EVI5L: variants seen among roughly 807,000 people sequenced by gnomAD.
EVI5L encodes EVI5-like protein.
A neutral mutation model predicts 106.1 loss-of-function variants in EVI5L; 30 were observed. The observed-to-expected ratio is 0.28, with a 90% CI of 0.21 to 0.38. The LOEUF (loss-of-function observed/expected upper bound fraction) is 0.38, where lower values mean the gene tolerates loss of function less well. Among genes scored for constraint, EVI5L ranks in the 10% least tolerant of loss-of-function variants. The pLI, the probability that EVI5L is intolerant of heterozygous loss-of-function variation, is 1.00. For missense variants in EVI5L, 809 were observed against 1,098.0 expected, an observed-to-expected ratio of 0.74 and a Z score of 3.72; for synonymous variants, 489 against 483.3, an observed-to-expected ratio of 1.01 and a Z score of -0.15.
chr19:7,847,057 C>T (rs1377666954), intron 2 of EVI5L, among the ~76,000 whole-genome samples: 2 of 152,164 alleles, frequency 1.3e-5, no homozygotes, highest in South Asian at 2.1e-4. Flanking sequence ...TTTGGGAGGC[C>T]GAGGCAGACG....
chr19:7,842,133 T>C (rs997103101), intron 1 of EVI5L, among the ~76,000 whole-genome samples: 1 of 152,122 alleles, frequency 6.6e-6, no homozygotes, highest in African/African-American at 2.4e-5. Context: ...TGTGTGAATG[T>C]ATGTCATGTG....
At chr19:7,853,658 G>C (rs939207011) in intron 10 of EVI5L, 1 of 384,348 alleles carries the variant, frequency 2.6e-6, no homozygotes, top group Non-Finnish European at 4.9e-6. Context: ...TGCACGCGGT[G>C]GGCAAGGCTG....
rs1166908913 is a variant in EVI5L at position 7,851,456 on chromosome 19, C to A, written c.776C>A (p.Thr259Asn). The A allele has an allele frequency of 3.1e-6, 5 of 1,612,932 alleles. No individual in the cohort carries two copies. Among genetic ancestry groups the A allele is most frequent in the Non-Finnish European group, 4.2e-6 (5 of 1,179,522 alleles). Residue 259 changes from threonine (T) to asparagine (N), a missense_variant, in exon 7 of 20, where the codon ACC (threonine) becomes AAC (asparagine). By Grantham distance (65) the Thr-to-Asn change is moderately conservative (BLOSUM62 0). Transcript: ENST00000538904. ...CAGGAGCAGCTCCCAGACCTCAACA[C>A]CCACTTCCGTTCCCAAAGCTTCCAC... The part of the protein sequence containing the change: ...MLQEQLPDLN[T>N]HFRSQSFHTS...
In EVI5L at chr19:7,850,518, A is replaced by G. The variant is rs780385331; in HGVS notation, c.753+396A>G. Among the ~76,000 whole-genome samples, 1 of 152,142 alleles carries G rather than the reference A, an allele frequency of 6.6e-6. No individual in the cohort carries two copies. The highest frequency in any genetic ancestry group is 1.5e-5 in the Non-Finnish European group (1 of 68,010). ...GAGAGCCGCAGACGTCTGTTTATAA[A>G]TAGCAGCCCCCGCAGGGCCTGCTCC... On this transcript the variant is annotated intron_variant, in intron 6 of 19. Coordinates refer to ENST00000538904, the MANE Select transcript of EVI5L (RefSeq NM_001159944.3). The surrounding 1 kb of genome is among the most constrained non-coding windows in gnomAD (Gnocchi z 5.4).
Position 7,848,126 on chromosome 19 carries a change from CCCT to C in EVI5L, c.327+207_327+209del, listed in dbSNP as rs1445424204. On this transcript the variant is annotated intron_variant, in intron 3 of 19. Coordinates refer to ENST00000538904, the MANE Select transcript of EVI5L (RefSeq NM_001159944.3). This position sits in a 1 kb window ranked among gnomAD's most constrained non-coding sequence, Gnocchi z 4.8. ...AGGGTGGTGCTGGACAGGCCCTGCA[CCCT>C]CGAGTGCCCATGTGCTTGCTGCCCT... Among the ~76,000 whole-genome samples, 1 of 152,140 alleles carries C rather than the reference CCCT, an allele frequency of 6.6e-6. No homozygotes were observed. The highest frequency in any genetic ancestry group is 1.5e-5 in the Non-Finnish European group (1 of 68,036).
chr19:7,838,018 G>A (rs1978418865), intron 1 of EVI5L, among the ~76,000 whole-genome samples: 1 of 151,504 alleles, frequency 6.6e-6, no homozygotes, highest in Non-Finnish European at 1.5e-5. Context: ...TGACGGTTTT[G>A]AGGAAGGTGG....
At chr19:7,838,749 G>A (rs1599560438) in intron 1 of EVI5L, among the ~76,000 whole-genome samples, 1 of 152,200 alleles carries the variant, frequency 6.6e-6, no homozygotes, top group Middle Eastern at 3.4e-3. Flanking sequence ...GGGCTTGGGT[G>A]TAGGCAGAGG....
chr19:7,840,751 G>C (rs895370217), intron 1 of EVI5L, among the ~76,000 whole-genome samples: 5 of 151,824 alleles, frequency 3.3e-5, no homozygotes, highest in African/African-American at 1.2e-4. Context: ...CTCTCACTGA[G>C]CACCTTGTTT....
intron 1 of EVI5L, among the ~76,000 whole-genome samples, chr19:7,837,782 C>T (rs903361345): frequency 6.6e-5 from 10 of 152,186 alleles, no homozygotes; most frequent in Non-Finnish European, 1.5e-5. Context: ...CGGCTCACCA[C>T]AACCTCTGCC....
rs534432201 is a variant in EVI5L, at chr19:7,856,843, C to A, written c.1201-249C>A. On this transcript the variant is annotated intron_variant, in intron 11 of 19. Coordinates refer to ENST00000538904, the MANE Select transcript of EVI5L (RefSeq NM_001159944.3). This position sits in a 1 kb window ranked among gnomAD's most constrained non-coding sequence, Gnocchi z 6.6. ...GGTTTCCCAGCCCTGCGGCCTCCCC[C>A]ACAGCCGCGGGCACCCCCGACCTCC... 6 of 679,780 alleles carry A rather than the reference C, an allele frequency of 8.8e-6. No homozygotes were observed. The highest frequency in any genetic ancestry group is 2.7e-5 in the East Asian group (1 of 36,828). 42.1% of individuals were successfully genotyped at this position (679,780 alleles called of 1,614,324 possible). A position where few individuals can be genotyped will look rare whatever the true frequency, so the allele number is the denominator to read the frequency against.
chr19:7,854,793 AAT>A (rs752288872), intron 10 of EVI5L, among the ~76,000 whole-genome samples: 2 of 152,180 alleles, frequency 1.3e-5, no homozygotes, highest in Non-Finnish European at 2.9e-5. Context: ...GGACTAGGGC[AAT>A]GCCCTGCCCC....
At position 7,861,895 on chromosome 19, in the gene EVI5L, C is replaced by G. The variant is rs765720028; in HGVS notation, c.1521C>G (p.Pro507=). The G allele has an allele frequency of 1.9e-6, 3 of 1,551,028 alleles. No homozygotes were observed. Among genetic ancestry groups the G allele is most frequent in the South Asian group, 1.2e-5 (1 of 84,094 alleles). The change falls in exon 15 of 20, where the codon CCC becomes CCG. Residue 507 remains proline, a synonymous_variant. Transcript: ENST00000538904. Reference sequence around the variant, plus strand: ...TCCCGCAGAGGAACAGCTCGCTGCCCGACGAGAACAATGTGGCGCAGCTGC... The same window carrying G: ...TCCCGCAGAGGAACAGCTCGCTGCCGGACGAGAACAATGTGGCGCAGCTGC... The part of the protein sequence containing the change: ...LDMEKRNSSL[P]DENNVAQLQE...
At chr19:7,836,228 CTCTGTCTCAGAAAAGAAAAAAAGAA>C (rs570726804) in intron 1 of EVI5L, among the ~76,000 whole-genome samples, 54 of 150,068 alleles carry the variant, frequency 3.6e-4, no homozygotes, top group Admixed American at 5.3e-4. Flanking sequence ...CAGAGCAAGA[CTCTGTCTCAGAAAAGAAAAAAAGAA>C]GGAAATGGGG....
intron 1 of EVI5L, among the ~76,000 whole-genome samples, chr19:7,839,377 C>G (rs1978497213): frequency 6.6e-6 from 1 of 151,930 alleles, no homozygotes; most frequent in Non-Finnish European, 1.5e-5. Flanking sequence ...TGCACAGACA[C>G]TGGCAGACAT....
chr19:7,861,625 C>G (rs1246157324), intron 14 of EVI5L, among the ~76,000 whole-genome samples: 1 of 152,122 alleles, frequency 6.6e-6, no homozygotes, highest in African/African-American at 2.4e-5. Flanking sequence ...TGCAGCGCGG[C>G]GTTTATGGGG....
At position 7,847,791 on chromosome 19, in the gene EVI5L, G is replaced by T; in HGVS notation, c.197G>T (p.Gly66Val). 2 of 1,613,188 alleles carry T rather than the reference G, an allele frequency of 1.2e-6. No homozygotes were observed. Among genetic ancestry groups the T allele is most frequent in the Non-Finnish European group, 1.7e-6 (2 of 1,179,790 alleles). ...ATGAATGGCTCGCGGCGGAACAGTGGCTCCTCGCTAGTGTCCAGCTCCTCG... is the reference window on the plus strand; with the variant it reads ...ATGAATGGCTCGCGGCGGAACAGTGTCTCCTCGCTAGTGTCCAGCTCCTCG... ...RSMNGSRRNS[G>V]SSLVSSSSAS... is the part of the protein sequence containing the mutation. The change falls in exon 3 of 20, where the codon GGC becomes GTC. Residue 66 changes from glycine to valine, a missense_variant. Physicochemically the swap from Gly to Val is moderately radical, Grantham distance 109 (BLOSUM62 -3). This residue lies in a region of EVI5L where 357 missense variants were observed against 588.1 expected (regional missense o/e 0.61). Coordinates refer to ENST00000538904, the MANE Select transcript of EVI5L (RefSeq NM_001159944.3).
rs199538035 is a variant in EVI5L at position 7,843,569 on chromosome 19, A to T, written c.-47-2927A>T. Among the ~76,000 whole-genome samples, 11 of 139,284 alleles carry T rather than the reference A, an allele frequency of 7.9e-5. No homozygotes were observed. In the South Asian group the frequency reaches 9.1e-4, roughly 12 times the overall value. 91.4% of individuals were successfully genotyped at this position (139,284 alleles called of 152,430 possible). On this transcript the variant is annotated intron_variant, in intron 1 of 19. Coordinates refer to ENST00000538904, the MANE Select transcript of EVI5L (RefSeq NM_001159944.3). ...GTGTGCATGTGTGTATAGGTATGTG[A>T]GTGTGAGAATAGGCATGGGTGTGTG...
Position 7,856,171 on chromosome 19 carries a change from C to A in EVI5L, c.1200+103C>A. 1 of 1,128,980 alleles carries A rather than the reference C, an allele frequency of 8.9e-7. No homozygotes were observed. Among genetic ancestry groups the A allele is most frequent in the Non-Finnish European group, 1.2e-6 (1 of 864,296 alleles). The allele number at this position is 1,128,980 out of a possible 1,614,324, so 69.9% of individuals were successfully genotyped here. A position where few individuals can be genotyped will look rare whatever the true frequency, so the allele number is the denominator to read the frequency against. On this transcript the variant is annotated intron_variant, in intron 11 of 19. Transcript: ENST00000538904. This position sits in a 1 kb window ranked among gnomAD's most constrained non-coding sequence, Gnocchi z 6.6. ...GGTGGACTCCTCCAAGTCTTCTCCT[C>A]TCTGGAGGACTAAGCAGCCCTACCT...
chr19:7,859,861 C>T (rs925376207), intron 13 of EVI5L, among the ~76,000 whole-genome samples: 1 of 152,352 alleles, frequency 6.6e-6, no homozygotes, highest in South Asian at 2.1e-4. Context: ...GAGGCAGAGC[C>T]ACCGTCACAC....
Sources: gnomAD v4.1 joint callset for allele counts (sites outside exome capture counted in the v4.1 genomes callset) on GRCh38, gnomAD v4.1.1 for gene constraint, gnomAD v4.1.1 regional missense constraint, Gnocchi (gnomAD v3.1) non-coding constraint, MANE v1.5 for transcripts, NCBI Gene and HGNC (gene_info 2026-07-23, HGNC 2026-07-21) for gene names.